Variants in CCDC178 observed in about 807,000 individuals in gnomAD.
CCDC178 encodes the protein coiled-coil domain-containing protein 178.
Under a neutral mutation model 117.4 loss-of-function variants are expected in CCDC178, and 126 were observed. That is an observed-to-expected ratio of 1.07 (90% confidence interval 0.93 to 1.24). CCDC178 has a LOEUF of 1.24. CCDC178 is among the 50% of genes most tolerant of loss of function. The pLI is 0.00. For synonymous variants in CCDC178, 283 were observed against 313.4 expected (o/e 0.90, Z 1.02); for missense variants, 1,030 against 986.9 (o/e 1.04, Z -0.59).
intron 22 of CCDC178, among the ~76,000 whole-genome samples, chr18:32,940,662 C>G (rs1369028565): frequency 6.6e-6 from 1 of 151,974 alleles, no homozygotes; most frequent in Non-Finnish European, 1.5e-5. Flanking sequence ...TTTCCCGCTC[C>G]TCTCCCTTCT....
At chr18:33,248,991 T>C (rs2059584552) in intron 14 of CCDC178, among the ~76,000 whole-genome samples, 1 of 152,126 alleles carries the variant, frequency 6.6e-6, no homozygotes, top group Non-Finnish European at 1.5e-5. Context: ...ACATTGTGGT[T>C]TTGATTTGCA....
At chr18:33,226,322 C>G (rs1434008987) in intron 16 of CCDC178, among the ~76,000 whole-genome samples, 1 of 152,064 alleles carries the variant, frequency 6.6e-6, no homozygotes, top group Non-Finnish European at 1.5e-5. Flanking sequence ...AATCTGGATT[C>G]CAAAGGATAT....
At chr18:33,384,025 T>C (rs909903114) in intron 5 of CCDC178, among the ~76,000 whole-genome samples, 3 of 152,046 alleles carry the variant, frequency 2.0e-5, no homozygotes, top group African/African-American at 7.2e-5. Flanking sequence ...ATAAATGACC[T>C]GATGGAGCTG....
intron 20 of CCDC178, among the ~76,000 whole-genome samples, chr18:33,128,537 C>T (rs1397603374): frequency 6.6e-6 from 1 of 152,144 alleles, no homozygotes; most frequent in East Asian, 1.9e-4. Context: ...CTGACTAGAA[C>T]ACTAGAGTAG....
intron 20 of CCDC178, among the ~76,000 whole-genome samples, chr18:33,143,250 T>C (rs1162403669): frequency 6.6e-6 from 1 of 152,170 alleles, no homozygotes; most frequent in African/African-American, 2.4e-5. Context: ...ATACAGAGTT[T>C]GAGACCATCA....
intron 3 of CCDC178, among the ~76,000 whole-genome samples, chr18:33,404,792 A>G (rs562186088): frequency 6.6e-6 from 1 of 152,226 alleles, no homozygotes; most frequent in East Asian, 1.9e-4. Flanking sequence ...AAGGAATTAA[A>G]TATGAATACA....
intron 3 of CCDC178, among the ~76,000 whole-genome samples, chr18:33,410,084 T>C (rs1166330718): frequency 6.6e-6 from 1 of 152,226 alleles, no homozygotes; most frequent in African/African-American, 2.4e-5. Context: ...TATGATTGAC[T>C]TTCTAGCTTT....
intron 20 of CCDC178, among the ~76,000 whole-genome samples, chr18:33,175,938 T>C (rs893760702): frequency 6.6e-6 from 1 of 152,216 alleles, no homozygotes; most frequent in Non-Finnish European, 1.5e-5. Flanking sequence ...CACTTTTTCA[T>C]ACTCTTCATA....
intron 15 of CCDC178, among the ~76,000 whole-genome samples, chr18:33,241,429 CGTGTGTGTGT>C (rs60878431): frequency 1.3e-3 from 192 of 144,926 alleles, no homozygotes; most frequent in East Asian, 4.3e-3. Context: ...ATTATATGAT[CGTGTGTGTGT>C]GTGTGTGTGT....
At chr18:33,263,531 A>T (rs910632010) in intron 14 of CCDC178, among the ~76,000 whole-genome samples, 3 of 152,160 alleles carry the variant, frequency 2.0e-5, no homozygotes, top group Non-Finnish European at 4.4e-5. Context: ...ATCAAAACTC[A>T]TAATTAGTTA....
At chr18:33,138,152 G>A (rs893585903) in intron 20 of CCDC178, among the ~76,000 whole-genome samples, 2 of 152,094 alleles carry the variant, frequency 1.3e-5, no homozygotes, top group Non-Finnish European at 2.9e-5. Context: ...GTGAAGCCTT[G>A]GTGTATAAAT....
intron 20 of CCDC178, among the ~76,000 whole-genome samples, chr18:33,148,447 G>A (rs999981133): frequency 2.0e-5 from 3 of 151,438 alleles, no homozygotes; most frequent in African/African-American, 7.3e-5. Context: ...AGACCGTGGG[G>A]AGAGGGAGAG....
chr18:33,125,826 G>A (rs2057997910), intron 20 of CCDC178, among the ~76,000 whole-genome samples: 1 of 152,184 alleles, frequency 6.6e-6, no homozygotes, highest in South Asian at 2.1e-4. Context: ...GTGAGAGCTT[G>A]ACTCAGCTGA....
chr18:33,385,368 G>C (rs1192416115), intron 5 of CCDC178, among the ~76,000 whole-genome samples: 1 of 152,082 alleles, frequency 6.6e-6, no homozygotes, highest in African/African-American at 2.4e-5. Context: ...AAGTGGACCT[G>C]ACAGATATCT....
At chr18:33,348,757 A>G (rs2062929979) in intron 8 of CCDC178, 133 bp downstream of exon 8, 3 of 628,990 alleles carry the variant, frequency 4.8e-6, no homozygotes, top group Non-Finnish European at 2.8e-6. Flanking sequence ...ATAGAGGACT[A>G]TTTTGTCTAT....
chr18:33,064,532 C>A (rs933935088), intron 21 of CCDC178, among the ~76,000 whole-genome samples: 2 of 152,132 alleles, frequency 1.3e-5, no homozygotes, highest in African/African-American at 2.4e-5. Flanking sequence ...TCCCCTCATT[C>A]CAGTTAGAAT....
In CCDC178 at chr18:33,155,628, A is replaced by G. The variant is rs374557225; in HGVS notation, c.2238+56268T>C. On this transcript the variant is annotated intron_variant, in intron 20 of 22. Transcript: ENST00000383096. Reference sequence around the variant, plus strand: ...AAATATCTAGTTTTTAAAATTAATTATCTTGAATATTAGGCATCTCAGGCA... The same window carrying G: ...AAATATCTAGTTTTTAAAATTAATTGTCTTGAATATTAGGCATCTCAGGCA... Among the ~76,000 whole-genome samples the G allele has an allele frequency of 9.2e-5, 14 of 152,190 alleles. No homozygotes were observed. In the East Asian group the frequency reaches 1.3e-3, roughly 15 times the overall value.
At chr18:33,330,182 T>G (rs1401223459) in intron 10 of CCDC178, among the ~76,000 whole-genome samples, 1 of 152,172 alleles carries the variant, frequency 6.6e-6, no homozygotes, top group Non-Finnish European at 1.5e-5. Context: ...TTTTGAGTAT[T>G]GTCAGTTATG....
intron 22 of CCDC178, among the ~76,000 whole-genome samples, chr18:32,967,797 T>A (rs2054845873): frequency 6.6e-6 from 1 of 151,648 alleles, no homozygotes; most frequent in Non-Finnish European, 1.5e-5. Context: ...TGGAATCATA[T>A]AGAATGTTCT....
Sources: allele counts gnomAD v4.1 joint callset (sites outside exome capture counted in the v4.1 genomes callset), GRCh38; gene constraint gnomAD v4.1.1; transcripts MANE v1.5; gene names NCBI Gene and HGNC (gene_info 2026-07-23, HGNC 2026-07-21).